The following PIK3C2G variants were observed in gnomAD, a reference collection of about 807,000 sequenced individuals.
The protein encoded by PIK3C2G is phosphatidylinositol-4-phosphate 3-kinase catalytic subunit type 2 gamma.
Under a neutral mutation model 181.1 loss-of-function variants are expected in PIK3C2G, and 168 were observed. The ratio of observed to expected loss-of-function variants is 0.93; its 90% CI spans 0.82 to 1.05. The LOEUF (loss-of-function observed/expected upper bound fraction) is 1.05, where lower values mean the gene tolerates loss of function less well. PIK3C2G is among the 50% of genes least tolerant of loss of function. The pLI is 0.00. For missense variants in PIK3C2G, 1,869 were observed against 1,732.8 expected, an observed-to-expected ratio of 1.08 and a Z score of -1.40; for synonymous variants, 573 against 592.2, an observed-to-expected ratio of 0.97 and a Z score of 0.47.
the PIK3C2G span, chr12:18,683,211 C>T: frequency 6.3e-7 from 1 of 1,593,590 alleles, no homozygotes; most frequent in Non-Finnish European, 8.6e-7. Context: ...CGATGCATAG[C>T]TAATGATATG....
chr12:18,562,334 G>C (rs1459219456), intron 26 of PIK3C2G, among the ~76,000 whole-genome samples: 1 of 152,058 alleles, frequency 6.6e-6, no homozygotes, highest in Non-Finnish European at 1.5e-5. Flanking sequence ...GGGTTTCACC[G>C]TGTTAGCCAG....
intron 6 of PIK3C2G, 42 bp from the exon 7 acceptor site, chr12:18,320,920 C>T (rs1951080841): frequency 1.8e-6 from 2 of 1,089,342 alleles, no homozygotes; most frequent in Non-Finnish European, 2.8e-6. Context: ...GGTACTCATT[C>T]CTATTCACTC....
chr12:18,656,209 A>C, the PIK3C2G span, among the ~76,000 whole-genome samples: 4 of 152,128 alleles, frequency 2.6e-5, no homozygotes, highest in Non-Finnish European at 1.5e-5. Flanking sequence ...CGGAAGCATC[A>C]TTTGAGCTCA....
At chr12:18,291,352 A>T (rs775191780) in intron 4 of PIK3C2G, among the ~76,000 whole-genome samples, 2 of 152,220 alleles carry the variant, frequency 1.3e-5, no homozygotes, top group Non-Finnish European at 2.9e-5. Context: ...GGCTGCTTCT[A>T]TCTATTAGGA....
chr12:18,461,993 G>T (rs1463791966), intron 18 of PIK3C2G, among the ~76,000 whole-genome samples: 1 of 152,058 alleles, frequency 6.6e-6, no homozygotes, highest in Non-Finnish European at 1.5e-5. Flanking sequence ...TCTTCCCTCT[G>T]ACCCATCTGC....
the PIK3C2G span, chr12:18,701,823 T>C: frequency 1.3e-4 from 205 of 1,559,304 alleles, no homozygotes; most frequent in African/African-American, 2.6e-3. Context: ...ACAAGTAAAT[T>C]TGCATTGTAA....
chr12:18,271,074 A>G (rs1948727318), intron 1 of PIK3C2G, among the ~76,000 whole-genome samples: 1 of 152,142 alleles, frequency 6.6e-6, no homozygotes, highest in Admixed American at 6.5e-5. Context: ...GAAGCTGTTC[A>G]TAGTCCCATG....
At chr12:18,586,722 C>G (rs1363171979) in intron 29 of PIK3C2G, among the ~76,000 whole-genome samples, 1 of 152,036 alleles carries the variant, frequency 6.6e-6, no homozygotes, top group Non-Finnish European at 1.5e-5. Flanking sequence ...TCCATGAGGC[C>G]AGCATCATCC....
intron 30 of PIK3C2G, among the ~76,000 whole-genome samples, chr12:18,605,559 A>G (rs949747930): frequency 3.3e-5 from 5 of 152,088 alleles, no homozygotes; most frequent in African/African-American, 1.2e-4. Context: ...TAATACCAAA[A>G]CTAGGACAGG....
At chr12:18,390,161 AC>A (rs1448531340) in intron 14 of PIK3C2G, among the ~76,000 whole-genome samples, 9 of 152,162 alleles carry the variant, frequency 5.9e-5, no homozygotes, top group Non-Finnish European at 2.9e-5. Context: ...CTTATAACAA[AC>A]GTTAGAGGTT....
At chr12:18,698,675 T>C in the PIK3C2G span, among the ~76,000 whole-genome samples, 16 of 152,134 alleles carry the variant, frequency 1.1e-4, no homozygotes, top group African/African-American at 3.9e-4. Flanking sequence ...TAAATATATT[T>C]ATGGAGTACA....
intron 12 of PIK3C2G, among the ~76,000 whole-genome samples, chr12:18,367,881 T>C (rs1039744950): frequency 6.6e-6 from 1 of 152,142 alleles, no homozygotes; most frequent in African/African-American, 2.4e-5. Context: ...AAAGGAAAGA[T>C]GTTTACTTGA....
At chr12:18,252,946 G>A (rs1469754952) in intron 1 of PIK3C2G, among the ~76,000 whole-genome samples, 1 of 152,048 alleles carries the variant, frequency 6.6e-6, no homozygotes, top group Non-Finnish European at 1.5e-5. Context: ...ACTGTCTCTG[G>A]GAGGAAAGGT....
chr12:18,403,822 A>G (rs1266010673), intron 16 of PIK3C2G, among the ~76,000 whole-genome samples: 1 of 152,150 alleles, frequency 6.6e-6, no homozygotes, highest in Non-Finnish European at 1.5e-5. Context: ...AACAGAGACC[A>G]AGGGCTAAGG....
chr12:18,448,968 G>A (rs1340496555), intron 18 of PIK3C2G, among the ~76,000 whole-genome samples: 2 of 151,916 alleles, frequency 1.3e-5, no homozygotes, highest in Non-Finnish European at 2.9e-5. Context: ...ATATCTCTAC[G>A]AGGGGTTGAC....
the PIK3C2G span, among the ~76,000 whole-genome samples, chr12:18,660,059 C>A: frequency 8.9e-4 from 135 of 152,264 alleles, no homozygotes; most frequent in Middle Eastern, 3.4e-3. Flanking sequence ...TCCCCTCCAA[C>A]AGAACAATTA....
chr12:18,574,586 G>T (rs1000375525), intron 29 of PIK3C2G, among the ~76,000 whole-genome samples: 1 of 152,014 alleles, frequency 6.6e-6, no homozygotes, highest in African/African-American at 2.4e-5. Flanking sequence ...GCATTAACAG[G>T]TCATTCCTAG....
At chr12:18,615,275 A>G (rs555602723) in intron 31 of PIK3C2G, among the ~76,000 whole-genome samples, 2 of 151,552 alleles carry the variant, frequency 1.3e-5, no homozygotes, top group South Asian at 4.2e-4. Flanking sequence ...AGCTCCATGC[A>G]GGTTTCTGCC....
intron 14 of PIK3C2G, among the ~76,000 whole-genome samples, chr12:18,386,281 C>A (rs1943167758): frequency 6.6e-6 from 1 of 152,184 alleles, no homozygotes; most frequent in African/African-American, 2.4e-5. Context: ...TAAAAAACAG[C>A]TTTCTTGAGA....
Sources: gnomAD v4.1 joint callset for allele counts (sites outside exome capture counted in the v4.1 genomes callset) on GRCh38, gnomAD v4.1.1 for gene constraint, MANE v1.5 for transcripts, NCBI Gene and HGNC (gene_info 2026-07-23, HGNC 2026-07-21) for gene names.